Variants in ASTN1 observed in about 807,000 individuals in gnomAD.
ASTN1 encodes astrotactin-1.
A neutral mutation model predicts 140.7 loss-of-function variants in ASTN1; 41 were observed. The ratio of observed to expected loss-of-function variants is 0.29; its 90% confidence interval spans 0.23 to 0.38. The LOEUF is 0.38. Ranked by LOEUF, ASTN1 falls within the 10% of genes least tolerant of loss-of-function variation. The pLI is 1.00. For missense variants in ASTN1, 1,479 were observed against 1,678.8 expected (o/e 0.88, Z 2.08); for synonymous variants, 640 against 652.2 (o/e 0.98, Z 0.29).
At chr1:176,960,930 C>A (rs1326051222) in intron 9 of ASTN1, among the ~76,000 whole-genome samples, 1 of 152,106 alleles carries the variant, frequency 6.6e-6, no homozygotes, top group South Asian at 2.1e-4. Flanking sequence ...AGGGGCTGAG[C>A]CTGTGCACCT....
At chr1:176,910,789 G>T (rs1436688424) in intron 16 of ASTN1, among the ~76,000 whole-genome samples, 2 of 152,140 alleles carry the variant, frequency 1.3e-5, no homozygotes, top group African/African-American at 4.8e-5. Context: ...GTGAGCGGTG[G>T]GTGAGAGAGC....
At position 176,863,131 on chromosome 1, in the gene ASTN1, TC is replaced by T; in HGVS notation, c.*1152del. The T allele has an allele frequency of 1.0e-6, 1 of 985,882 alleles. No individual in the cohort carries two copies. Among genetic ancestry groups the T allele is most frequent in the East Asian group, 1.1e-4 (1 of 8,814 alleles). 61.1% of individuals were successfully genotyped at this position (985,882 alleles called of 1,614,324 possible). On this transcript the variant is annotated 3_prime_UTR_variant, in exon 23 of 23. Coordinates refer to ENST00000361833, the MANE Select transcript of ASTN1 (RefSeq NM_004319.3). ...GATGTTAACTGCAATCAGTGGTGCTTCCCTACACAGAATCCCTGTGACTGGA... is the reference window on the plus strand; with the variant it reads ...GATGTTAACTGCAATCAGTGGTGCTTCCTACACAGAATCCCTGTGACTGGA...
intron 8 of ASTN1, among the ~76,000 whole-genome samples, chr1:176,966,253 T>C (rs1028962243): frequency 6.6e-6 from 1 of 152,200 alleles, no homozygotes; most frequent in Non-Finnish European, 1.5e-5. Context: ...ATTCTAATAC[T>C]AGGAGTTAAT....
intron 1 of ASTN1, among the ~76,000 whole-genome samples, chr1:177,085,727 A>G (rs1016281667): frequency 2.6e-5 from 4 of 152,152 alleles, no homozygotes; most frequent in Non-Finnish European, 5.9e-5. Context: ...TGTTCACACA[A>G]TTGTTGGCAC....
chr1:177,037,620 G>C (rs1161722493), intron 2 of ASTN1, among the ~76,000 whole-genome samples: 1 of 152,188 alleles, frequency 6.6e-6, no homozygotes, highest in East Asian at 1.9e-4. Flanking sequence ...CAGGCAACAA[G>C]TAACAAGTTG....
intron 20 of ASTN1, among the ~76,000 whole-genome samples, chr1:176,877,926 T>C (rs4652199): frequency 0.84 from 127,201 of 152,108 alleles, 53,348 homozygotes; most frequent in Middle Eastern, 0.95. Flanking sequence ...AGATAATTGC[T>C]TAATGATTCT....
rs185110646 is a variant in ASTN1 at position 177,035,679 on chromosome 1, C to T, written c.472-2830G>A. Among the ~76,000 whole-genome samples, 147 of 152,222 alleles carry T rather than the reference C, an allele frequency of 9.7e-4. 1 individual carries two copies. Among genetic ancestry groups the T allele is most frequent in the South Asian group, 3.7e-3 (18 of 4,814 alleles). On this transcript the variant is annotated intron_variant, in intron 2 of 22. Coordinates refer to ENST00000361833, the MANE Select transcript of ASTN1 (RefSeq NM_004319.3). Reference sequence around the variant, plus strand: ...GTGTACTTTCTTTCAACTTAGGGACCCATTGCATATCTATCTCTAGGTTCA... The same window carrying T: ...GTGTACTTTCTTTCAACTTAGGGACTCATTGCATATCTATCTCTAGGTTCA...
At chr1:176,860,159 C>G (rs750949043), downstream of ASTN1, among the ~76,000 whole-genome samples, 1 of 152,150 alleles carries the variant, frequency 6.6e-6, no homozygotes, top group Non-Finnish European at 1.5e-5. Flanking sequence ...AGGCCTTTTA[C>G]GACTTAGGCT....
At chr1:177,091,948 T>C (rs1368754322) in intron 1 of ASTN1, among the ~76,000 whole-genome samples, 1 of 152,178 alleles carries the variant, frequency 6.6e-6, no homozygotes, top group Admixed American at 6.6e-5. Context: ...TTATGAATAA[T>C]GCTACTATAA....
chr1:177,060,294 G>A (rs1235619562), intron 2 of ASTN1, among the ~76,000 whole-genome samples: 4 of 152,206 alleles, frequency 2.6e-5, no homozygotes, highest in Non-Finnish European at 1.5e-5. Flanking sequence ...TTGAGCTAGA[G>A]AGAGGTGCAA....
At chr1:177,162,622 T>C (rs745739356) in intron 1 of ASTN1, among the ~76,000 whole-genome samples, 1 of 152,204 alleles carries the variant, frequency 6.6e-6, no homozygotes, top group Non-Finnish European at 1.5e-5. Context: ...GTTGAATACC[T>C]GCTAGCCCTC....
In ASTN1 at chr1:176,905,823, A is replaced by C. The variant is rs990644620; in HGVS notation, c.2672-10993T>G. On this transcript the variant is annotated intron_variant, in intron 16 of 22. Transcript: ENST00000361833. ...GCAGCTGCCTCTCCCAGCCTTAATG[A>C]AGCTTTCATTACGAGATGTGGTTTC... Among the ~76,000 whole-genome samples, 10 of 152,200 alleles carry C rather than the reference A, an allele frequency of 6.6e-5. 1 individual carries two copies. The Middle Eastern group carries it at 0.01, about 155-fold the overall frequency.
At chr1:177,072,040 A>G (rs1678670859) in intron 1 of ASTN1, among the ~76,000 whole-genome samples, 1 of 152,140 alleles carries the variant, frequency 6.6e-6, no homozygotes. Flanking sequence ...GTAAGTGACA[A>G]TTTCAAGGGT....
intron 1 of ASTN1, among the ~76,000 whole-genome samples, chr1:177,068,198 T>C (rs1678459558): frequency 6.6e-6 from 1 of 152,220 alleles, no homozygotes; most frequent in East Asian, 1.9e-4. Context: ...TGTAGTTAAC[T>C]CATTGCCGTA....
intron 8 of ASTN1, among the ~76,000 whole-genome samples, chr1:176,984,826 TG>T (rs1170310427): frequency 6.6e-6 from 1 of 152,164 alleles, no homozygotes; most frequent in Non-Finnish European, 1.5e-5. Context: ...AAACATCCCC[TG>T]GTGCTTTACT....
chr1:177,162,559 C>T lies in ASTN1; in HGVS notation c.283+1835G>A, dbSNP rs892421824. On this transcript the variant is annotated intron_variant, in intron 1 of 22. Transcript: ENST00000361833. ...ACTGTGCACATTGGTTCCTAGTAGG[C>T]ACATCACAGCATTAGGCCCTGGTTT... Among the ~76,000 whole-genome samples, 4 of 152,210 alleles carry T rather than the reference C, an allele frequency of 2.6e-5. 1 individual carries two copies. Among genetic ancestry groups the T allele is most frequent in the Admixed American group, 2.0e-4 (3 of 15,286 alleles).
intron 8 of ASTN1, among the ~76,000 whole-genome samples, chr1:176,982,789 T>C (rs1386850737): frequency 6.6e-6 from 1 of 152,190 alleles, no homozygotes; most frequent in Non-Finnish European, 1.5e-5. Context: ...CTTTACTTTG[T>C]GCCTGACCCT....
At chr1:177,041,454 C>T (rs999456567) in intron 2 of ASTN1, among the ~76,000 whole-genome samples, 4 of 152,222 alleles carry the variant, frequency 2.6e-5, no homozygotes, top group Non-Finnish European at 5.9e-5. Flanking sequence ...GTCTCTGTCT[C>T]AGCAACTCAT....
At chr1:177,071,952 T>G (rs1678664493) in intron 1 of ASTN1, among the ~76,000 whole-genome samples, 1 of 152,186 alleles carries the variant, frequency 6.6e-6, no homozygotes, top group African/African-American at 2.4e-5. Flanking sequence ...GCAAAGGCCT[T>G]TCTTCTAAGG....
Sources: allele counts gnomAD v4.1 joint callset (sites outside exome capture counted in the v4.1 genomes callset), GRCh38; gene constraint gnomAD v4.1.1; transcripts MANE v1.5; gene names NCBI Gene and HGNC (gene_info 2026-07-23, HGNC 2026-07-21).